The following RASGRF2 variants were observed in gnomAD, a reference collection of about 807,000 sequenced individuals.
RASGRF2 encodes Ras protein specific guanine nucleotide releasing factor 2, also known as ras-specific guanine nucleotide-releasing factor 2.
Under a neutral mutation model 151.0 loss-of-function variants are expected in RASGRF2, and 76 were observed. The observed-to-expected ratio is 0.50, with a 90% CI of 0.42 to 0.61. The LOEUF (loss-of-function observed/expected upper bound fraction) is 0.61. Among genes scored for constraint, RASGRF2 ranks in the 20% least tolerant of loss-of-function variants. The pLI is 0.00. For missense variants in RASGRF2, 1,148 were observed against 1,564.6 expected (o/e 0.73, Z 4.49); for synonymous variants, 504 against 566.5 (o/e 0.89, Z 1.57).
chr5:81,115,692 G>A (rs543911008), intron 15 of RASGRF2, among the ~76,000 whole-genome samples: 21 of 152,310 alleles, frequency 1.4e-4, no homozygotes, highest in African/African-American at 4.6e-4. Flanking sequence ...GGAGGCTGTG[G>A]TTTGATTGCT....
intron 2 of RASGRF2, among the ~76,000 whole-genome samples, chr5:81,056,742 A>G (rs543427273): frequency 1.4e-4 from 22 of 152,244 alleles, no homozygotes; most frequent in African/African-American, 4.6e-4. Flanking sequence ...AACGTCTCCC[A>G]TTATTATTGT....
At chr5:81,019,601 A>G (rs1232283067) in intron 1 of RASGRF2, 1 of 152,242 alleles carries the variant, frequency 6.6e-6, no homozygotes, top group Non-Finnish European at 1.5e-5. Context: ...GAACGTGTGT[A>G]GTAATTTAAA....
chr5:81,144,932 T>G (rs1753969378), intron 17 of RASGRF2, among the ~76,000 whole-genome samples: 1 of 152,130 alleles, frequency 6.6e-6, no homozygotes, highest in South Asian at 2.1e-4. Context: ...CAATGCACAC[T>G]TGATGTTTAA....
intron 1 of RASGRF2, among the ~76,000 whole-genome samples, chr5:80,978,046 AAG>A (rs775571681): frequency 1.3e-5 from 2 of 152,176 alleles, no homozygotes; most frequent in Non-Finnish European, 2.9e-5. Flanking sequence ...AGGTGAGTGA[AAG>A]AGTTTCTTTG....
intron 17 of RASGRF2, among the ~76,000 whole-genome samples, chr5:81,149,549 A>T (rs1754086748): frequency 6.6e-6 from 1 of 152,188 alleles, no homozygotes; most frequent in South Asian, 2.1e-4. Context: ...TGATGGGGGC[A>T]CCAAAGTCTC....
chr5:81,018,178 GC>G (rs1176610172), intron 1 of RASGRF2, among the ~76,000 whole-genome samples: 2 of 152,046 alleles, frequency 1.3e-5, no homozygotes, highest in African/African-American at 2.4e-5. Context: ...TTCAGTTGGT[GC>G]CCCACCAGCT....
At position 81,110,599 on chromosome 5, in the gene RASGRF2, C is replaced by T. The variant is rs150856255; in HGVS notation, c.1838+1521C>T. 8.2e-4 allele frequency among the ~76,000 whole-genome samples: 125 copies of T among 152,196 alleles called. 2 individuals carry two copies. The East Asian group carries it at 8.9e-3, about 11-fold the overall frequency. ...TACAAATAGAATGTGAAAATCATGA[C>T]GCTTATTAGGTGAAAATATCCCTTT... On this transcript the variant is annotated intron_variant, in intron 13 of 26. Coordinates refer to ENST00000265080, the MANE Select transcript of RASGRF2 (RefSeq NM_006909.3).
intron 17 of RASGRF2, among the ~76,000 whole-genome samples, chr5:81,160,295 C>A (rs2112636748): frequency 6.6e-6 from 1 of 152,236 alleles, no homozygotes; most frequent in East Asian, 1.9e-4. Flanking sequence ...GTGGCGCACG[C>A]CTGTAATCCC....
At chr5:81,142,519 T>C (rs1753908586) in intron 17 of RASGRF2, among the ~76,000 whole-genome samples, 1 of 152,188 alleles carries the variant, frequency 6.6e-6, no homozygotes, top group Non-Finnish European at 1.5e-5. Flanking sequence ...GCATGCAATG[T>C]TTCTTATATG....
intron 2 of RASGRF2, among the ~76,000 whole-genome samples, chr5:81,059,706 A>G (rs1751356774): frequency 6.6e-6 from 1 of 151,206 alleles, no homozygotes; most frequent in Non-Finnish European, 1.5e-5. Flanking sequence ...TTAGCCAGGC[A>G]TGGTGGCGGG....
At chr5:81,111,863 C>T (rs1452750858) in intron 13 of RASGRF2, among the ~76,000 whole-genome samples, 1 of 152,114 alleles carries the variant, frequency 6.6e-6, no homozygotes, top group African/African-American at 2.4e-5. Flanking sequence ...AATTAAAAGT[C>T]AGGAGAAAGA....
chr5:81,105,404 G>A (rs530458450), intron 12 of RASGRF2, among the ~76,000 whole-genome samples: 75 of 152,162 alleles, frequency 4.9e-4, no homozygotes, highest in African/African-American at 1.6e-3. Context: ...CACCTCCAGC[G>A]CCCGTCCCCA....
chr5:81,197,911 A>G (rs565092336), intron 18 of RASGRF2, among the ~76,000 whole-genome samples: 1 of 152,206 alleles, frequency 6.6e-6, no homozygotes, highest in Non-Finnish European at 1.5e-5. Flanking sequence ...TTATAAGGAT[A>G]CATTTAATTA....
chr5:81,071,935 A>G (rs921695029), intron 4 of RASGRF2, among the ~76,000 whole-genome samples: 5 of 152,208 alleles, frequency 3.3e-5, no homozygotes, highest in Non-Finnish European at 5.9e-5. Flanking sequence ...GTTGATTTTT[A>G]AAAATATTTC....
chr5:81,171,717 A>G (rs1394500514), intron 17 of RASGRF2, among the ~76,000 whole-genome samples: 1 of 152,090 alleles, frequency 6.6e-6, no homozygotes, highest in African/African-American at 2.4e-5. Context: ...TAATTTTCCA[A>G]CTGGTTCATG....
At chr5:80,970,260 T>A (rs1315086710) in intron 1 of RASGRF2, among the ~76,000 whole-genome samples, 1 of 152,244 alleles carries the variant, frequency 6.6e-6, no homozygotes, top group Non-Finnish European at 1.5e-5. Flanking sequence ...AGTGTGTAGT[T>A]GGCTTTTTCT....
At chr5:81,040,827 T>C (rs1272281738) in intron 1 of RASGRF2, among the ~76,000 whole-genome samples, 1 of 152,220 alleles carries the variant, frequency 6.6e-6, no homozygotes, top group Non-Finnish European at 1.5e-5. Context: ...TGGTTCACAG[T>C]GGTTAGGAAC....
chr5:80,961,138 C>G, intron 1 of RASGRF2, 112 bp downstream of exon 1: 1 of 1,202,672 alleles, frequency 8.3e-7, no homozygotes, highest in South Asian at 2.0e-5. Flanking sequence ...GGACTATGCT[C>G]CGAAATCCCC....
At chr5:80,981,724 C>T (rs542110131) in intron 1 of RASGRF2, among the ~76,000 whole-genome samples, 5 of 152,026 alleles carry the variant, frequency 3.3e-5, no homozygotes, top group African/African-American at 4.8e-5. Flanking sequence ...CACCATCACA[C>T]GTGGCTAATT....
Sources: allele counts gnomAD v4.1 joint callset (sites outside exome capture counted in the v4.1 genomes callset), GRCh38; gene constraint gnomAD v4.1.1; transcripts MANE v1.5; gene names NCBI Gene and HGNC (gene_info 2026-07-23, HGNC 2026-07-21).